CTNNA3: variants seen among roughly 807,000 people sequenced by gnomAD.
CTNNA3 encodes the protein catenin alpha 3, also known as catenin alpha-3.
CTNNA3 carries 76 observed loss-of-function variants against 95.7 expected under a neutral mutation model. The observed-to-expected ratio is 0.79, with a 90% confidence interval of 0.66 to 0.96. The LOEUF is 0.96. Among genes scored for constraint, CTNNA3 ranks in the 40% least tolerant of loss-of-function variants. CTNNA3 has a pLI of 0.00. For synonymous variants in CTNNA3, 431 were observed against 374.4 expected (o/e 1.15, Z -1.74); for missense variants, 1,191 against 1,089.8 (o/e 1.09, Z -1.31).
At chr10:66,600,189 C>T (rs10997254) in intron 10 of CTNNA3, among the ~76,000 whole-genome samples, 3,762 of 151,450 alleles carry the variant, frequency 0.025, 172 homozygotes, top group African/African-American at 0.086. Context: ...ATTAAAGATC[C>T]GATATTCAGA....
At chr10:66,595,676 G>T (rs1278173920) in intron 10 of CTNNA3, among the ~76,000 whole-genome samples, 1 of 151,890 alleles carries the variant, frequency 6.6e-6, no homozygotes, top group Non-Finnish European at 1.5e-5. Context: ...TTAATCTGTT[G>T]CCCAGGCCAG....
intron 4 of CTNNA3, among the ~76,000 whole-genome samples, chr10:67,532,309 A>G (rs760009463): frequency 7.9e-5 from 12 of 152,208 alleles, no homozygotes; most frequent in Non-Finnish European, 1.5e-4. Flanking sequence ...GGCTTTAGAA[A>G]ATCTTTTTGT....
At chr10:66,599,079 G>T (rs999153375) in intron 10 of CTNNA3, among the ~76,000 whole-genome samples, 1 of 151,950 alleles carries the variant, frequency 6.6e-6, no homozygotes, top group East Asian at 1.9e-4. Flanking sequence ...AGAGACCCCA[G>T]AAATAAACCC....
intron 7 of CTNNA3, among the ~76,000 whole-genome samples, chr10:66,994,074 C>T (rs1851193058): frequency 6.6e-6 from 1 of 152,114 alleles, no homozygotes; most frequent in Non-Finnish European, 1.5e-5. Context: ...CATGCCAGGT[C>T]AAACTATCTT....
chr10:67,156,587 G>A (rs1421750986), intron 7 of CTNNA3, among the ~76,000 whole-genome samples: 2 of 151,626 alleles, frequency 1.3e-5, no homozygotes, highest in East Asian at 3.9e-4. Flanking sequence ...GAATTTTCCA[G>A]TTTTTCTTCT....
chr10:67,419,860 A>ATT (rs5785825), intron 5 of CTNNA3, among the ~76,000 whole-genome samples: 2 of 148,044 alleles, frequency 1.4e-5, no homozygotes, highest in Non-Finnish European at 1.5e-5. Context: ...GTTAAACAGG[A>ATT]TTTTTTTTTT....
At chr10:67,538,696 C>T (rs1840567181) in intron 4 of CTNNA3, among the ~76,000 whole-genome samples, 2 of 151,982 alleles carry the variant, frequency 1.3e-5, no homozygotes, top group African/African-American at 4.8e-5. Flanking sequence ...AAGACCATTG[C>T]TTACTTAATA....
intron 1 of CTNNA3, among the ~76,000 whole-genome samples, chr10:67,758,730 A>G (rs1200986623): frequency 1.3e-5 from 2 of 150,714 alleles, no homozygotes; most frequent in East Asian, 3.9e-4. Flanking sequence ...ATAAGATTTC[A>G]TTCTTAATAA....
chr10:67,612,011 G>C (rs909016418), intron 2 of CTNNA3, among the ~76,000 whole-genome samples: 4 of 151,926 alleles, frequency 2.6e-5, no homozygotes, highest in African/African-American at 9.7e-5. Context: ...GGGAGGAGAG[G>C]GGGTGTCCCT....
At chr10:67,237,931 G>A (rs1355570381) in intron 5 of CTNNA3, among the ~76,000 whole-genome samples, 2 of 152,154 alleles carry the variant, frequency 1.3e-5, no homozygotes, top group Admixed American at 6.5e-5. Context: ...ACTATTGCTA[G>A]GCTATAGTGG....
At chr10:67,553,977 T>A (rs1841132003) in intron 3 of CTNNA3, among the ~76,000 whole-genome samples, 1 of 152,184 alleles carries the variant, frequency 6.6e-6, no homozygotes, top group Non-Finnish European at 1.5e-5. Context: ...TTCCCATTGT[T>A]CAATGACCAC....
intron 11 of CTNNA3, among the ~76,000 whole-genome samples, chr10:66,440,849 A>C (rs1389278159): frequency 6.6e-6 from 1 of 152,202 alleles, no homozygotes; most frequent in Non-Finnish European, 1.5e-5. Context: ...ATAAGTGCTA[A>C]ATAAACATTT....
At chr10:67,734,611 C>G (rs1328630773) in intron 1 of CTNNA3, among the ~76,000 whole-genome samples, 1 of 152,014 alleles carries the variant, frequency 6.6e-6, no homozygotes, top group Non-Finnish European at 1.5e-5. Context: ...AAAGTGTAGA[C>G]ATAAGGAAGT....
chr10:66,665,819 C>A (rs1477091640), intron 9 of CTNNA3, among the ~76,000 whole-genome samples: 1 of 151,868 alleles, frequency 6.6e-6, no homozygotes, highest in Non-Finnish European at 1.5e-5. Context: ...AAATTTTTTC[C>A]CTTCACCTTT....
intron 10 of CTNNA3, among the ~76,000 whole-genome samples, chr10:66,620,363 A>G (rs1264114854): frequency 1.3e-5 from 2 of 152,182 alleles, no homozygotes; most frequent in Admixed American, 6.6e-5. Context: ...ACAACCTAAC[A>G]AAAATCGGAA....
intron 5 of CTNNA3, among the ~76,000 whole-genome samples, chr10:67,292,276 G>T (rs139859688): frequency 3.3e-5 from 5 of 152,122 alleles, no homozygotes; most frequent in African/African-American, 1.2e-4. Flanking sequence ...TAGTTTCTAC[G>T]ACATGCCCTG....
intron 10 of CTNNA3, among the ~76,000 whole-genome samples, chr10:66,541,106 A>C (rs1564521519): frequency 6.6e-6 from 1 of 152,084 alleles, no homozygotes; most frequent in Non-Finnish European, 1.5e-5. Flanking sequence ...TGTCTGCATC[A>C]ATTTGGTGAT....
intron 9 of CTNNA3, among the ~76,000 whole-genome samples, chr10:66,729,768 T>C (rs1848895652): frequency 6.6e-6 from 1 of 152,108 alleles, no homozygotes; most frequent in South Asian, 2.1e-4. Flanking sequence ...CCAAACACCA[T>C]GTGTTCCCCC....
chr10:67,300,182 C>T (rs190379857), intron 5 of CTNNA3, among the ~76,000 whole-genome samples: 2 of 152,288 alleles, frequency 1.3e-5, no homozygotes, highest in East Asian at 1.9e-4. Context: ...CCGCTCCCCC[C>T]ACAAAAAATA....
Sources: allele counts gnomAD v4.1 joint callset (sites outside exome capture counted in the v4.1 genomes callset), GRCh38; gene constraint gnomAD v4.1.1; transcripts MANE v1.5; gene names NCBI Gene and HGNC (gene_info 2026-07-23, HGNC 2026-07-21).